The following PCDHA5 variants were observed in gnomAD, a reference collection of about 807,000 sequenced individuals.
The protein encoded by PCDHA5 is protocadherin alpha 5.
In PCDHA5, 43 loss-of-function variants were observed where a neutral mutation model predicts 61.6. That is an observed-to-expected ratio of 0.70 (90% confidence interval 0.55 to 0.90). The LOEUF is 0.90. Ranked by LOEUF, PCDHA5 falls within the 40% of genes least tolerant of loss-of-function variation. The probability of loss-of-function intolerance (pLI) is 0.00; values close to 1 mark genes in which losing one functional copy is unlikely to be tolerated. For missense variants in PCDHA5, 1,298 were observed against 1,222.7 expected, an observed-to-expected ratio of 1.06 and a Z score of -0.92; for synonymous variants, 627 against 543.9, an observed-to-expected ratio of 1.15 and a Z score of -2.13.
intron 3 of PCDHA5, 49 bp downstream of exon 3, chr5:140,982,612 C>A (rs782489208): frequency 6.3e-7 from 1 of 1,599,358 alleles, no homozygotes; most frequent in Admixed American, 1.7e-5. Context: ...GGAAAGTGAT[C>A]AGATGACCTA....
rs781864798 is a variant in PCDHA5 at position 140,824,068 on chromosome 5, A to C, written c.2293A>C (p.Lys765Gln). ...GGTGTGCTCTGGGGAAGCTCCACCC[A>C]AAACAGACCTCATGGCCTTCAGTCC... ...QRVCSGEAPP[K>Q]TDLMAFSPSL... The change falls in exon 1 of 4, where the codon AAA becomes CAA. Residue 765 changes from lysine to glutamine, a missense_variant. Lys to Gln is a moderately conservative substitution (Grantham distance 53). Coordinates refer to ENST00000529859, the MANE Select transcript of PCDHA5 (RefSeq NM_018908.3). 2 of 1,614,142 alleles carry C rather than the reference A, an allele frequency of 1.2e-6. No homozygotes were observed.
At chr5:140,908,021 C>T (rs958070573) in intron 1 of PCDHA5, among the ~76,000 whole-genome samples, 28 of 152,314 alleles carry the variant, frequency 1.8e-4, no homozygotes, top group African/African-American at 6.7e-4. Flanking sequence ...TGGCTACAGC[C>T]CATTAATCAG....
In PCDHA5 at chr5:141,010,018, T is replaced by G. The variant is rs1257083450; in HGVS notation, c.*81T>G. On this transcript the variant is annotated 3_prime_UTR_variant, in exon 4 of 4. Coordinates refer to ENST00000529859, the MANE Select transcript of PCDHA5 (RefSeq NM_018908.3). ...TCCCATGTAGCAATTCCCTGCTCCTTTTTCCTATCTACATGAGCCCTCTTA... is the reference window on the plus strand; with the variant it reads ...TCCCATGTAGCAATTCCCTGCTCCTGTTTCCTATCTACATGAGCCCTCTTA... 2.5e-5 allele frequency: 40 copies of G among 1,571,834 alleles called. No homozygotes were observed. Among genetic ancestry groups the G allele is most frequent in the Non-Finnish European group, 3.4e-5 (39 of 1,163,118 alleles).
intron 1 of PCDHA5, among the ~76,000 whole-genome samples, chr5:140,889,687 T>C (rs1190333599): frequency 1.3e-5 from 2 of 152,198 alleles, no homozygotes; most frequent in African/African-American, 4.8e-5. Context: ...AACCTTTTAG[T>C]ATTATGGGCA....
chr5:140,897,409 A>G (rs945260120), intron 1 of PCDHA5, among the ~76,000 whole-genome samples: 16 of 140,532 alleles, frequency 1.1e-4, no homozygotes, highest in Non-Finnish European at 1.7e-4. Flanking sequence ...TCATTGTTCA[A>G]TTCCCATCTA....
chr5:140,869,103 G>A, intron 1 of PCDHA5: 1 of 1,600,312 alleles, frequency 6.2e-7, no homozygotes, highest in Non-Finnish European at 8.5e-7. Context: ...TTTCGTATGC[G>A]ATGTTTGGTT....
At position 140,886,849 on chromosome 5, in the gene PCDHA5, A is replaced by G. The variant is rs541841964; in HGVS notation, c.2352+62722A>G. ...CTTGAAAAAAAAAAAAAAAAAAAAG[A>G]AAGGTCTTCCCAACTCCTATATTGA... On this transcript the variant is annotated intron_variant, in intron 1 of 3. Coordinates refer to ENST00000529859, the MANE Select transcript of PCDHA5 (RefSeq NM_018908.3). Among the ~76,000 whole-genome samples, 4 of 150,006 alleles carry G rather than the reference A, an allele frequency of 2.7e-5. No homozygotes were observed. The East Asian group carries it at 7.8e-4, about 29-fold the overall frequency.
At chr5:140,985,487 A>C (rs1554247112) in intron 3 of PCDHA5, among the ~76,000 whole-genome samples, 1 of 152,162 alleles carries the variant, frequency 6.6e-6, no homozygotes, top group Non-Finnish European at 1.5e-5. Context: ...TCCAGACTCA[A>C]ATAGAGCCTG....
At chr5:140,970,953 G>A (rs975435719) in intron 1 of PCDHA5, among the ~76,000 whole-genome samples, 16 of 152,110 alleles carry the variant, frequency 1.1e-4, no homozygotes, top group South Asian at 4.1e-4. Flanking sequence ...AGAAACCATG[G>A]GAGGCAGATT....
At chr5:140,928,097 C>T (rs2084934742) in intron 1 of PCDHA5, 2 of 1,614,054 alleles carry the variant, frequency 1.2e-6, no homozygotes, top group African/African-American at 2.7e-5. Flanking sequence ...ATTGATGGGC[C>T]CCTGGACCGG....
intron 1 of PCDHA5, among the ~76,000 whole-genome samples, chr5:140,896,683 C>T (rs2153454060): frequency 6.6e-6 from 1 of 152,068 alleles, no homozygotes; most frequent in South Asian, 2.1e-4. Context: ...GGCCCTTTGC[C>T]CATTTTTTGA....
At chr5:140,877,080 C>T in intron 1 of PCDHA5, 2 of 1,613,062 alleles carry the variant, frequency 1.2e-6, no homozygotes, top group East Asian at 2.2e-5. Context: ...TCCAGGTGAG[C>T]GCGCGCGACG....
intron 1 of PCDHA5, chr5:140,868,473 C>T (rs1740794532): frequency 6.6e-6 from 1 of 152,126 alleles, no homozygotes; most frequent in Non-Finnish European, 1.5e-5. Flanking sequence ...TTTTATAAAA[C>T]TTCAATTTTT....
intron 1 of PCDHA5, among the ~76,000 whole-genome samples, chr5:140,832,729 C>T (rs1170973307): frequency 1.1e-4 from 17 of 152,054 alleles, no homozygotes; most frequent in African/African-American, 4.1e-4. Context: ...AGGTAAGTAT[C>T]CTACATAAAT....
chr5:140,871,094 T>A, intron 1 of PCDHA5: 3 of 1,613,260 alleles, frequency 1.9e-6, no homozygotes, highest in Non-Finnish European at 2.5e-6. Context: ...ACGGCCACCG[T>A]GCTGGTGTCG....
rs782634199 is a variant in PCDHA5 at position 140,882,705 on chromosome 5, G to A, written c.2352+58578G>A. The A allele has an allele frequency of 3.7e-6, 6 of 1,614,172 alleles. No individual in the cohort carries two copies. The South Asian group carries it at 6.6e-5, about 18-fold the overall frequency. On this transcript the variant is annotated intron_variant, in intron 1 of 3. Transcript: ENST00000529859. ...AAACGAATAATCATTGCAGAATCTA[G>A]ACCTCCGGAAACTCGATTTCCACTA...
intron 1 of PCDHA5, among the ~76,000 whole-genome samples, chr5:140,975,067 T>C (rs2096652705): frequency 6.6e-6 from 1 of 152,146 alleles, no homozygotes; most frequent in African/African-American, 2.4e-5. Flanking sequence ...TCGAGCTCAT[T>C]CAGATTGTTG....
At chr5:140,848,787 C>T in intron 1 of PCDHA5, 2 of 1,592,990 alleles carry the variant, frequency 1.3e-6, no homozygotes, top group Non-Finnish European at 1.7e-6. Context: ...GCTGTGCGGG[C>T]GGAGCGCGGA....
At chr5:140,944,290 C>T (rs912018562) in intron 1 of PCDHA5, among the ~76,000 whole-genome samples, 8 of 152,124 alleles carry the variant, frequency 5.3e-5, no homozygotes, top group African/African-American at 9.7e-5. Flanking sequence ...CGGGCTCAAG[C>T]GATCCTCCTA....
Sources: gnomAD v4.1 joint callset for allele counts (sites outside exome capture counted in the v4.1 genomes callset) on GRCh38, gnomAD v4.1.1 for gene constraint, MANE v1.5 for transcripts, NCBI Gene and HGNC (gene_info 2026-07-23, HGNC 2026-07-21) for gene names.